Variants in CYP7B1 observed in about 807,000 individuals in gnomAD.
The protein encoded by CYP7B1 is cytochrome P450 7B1.
CYP7B1 carries 29 observed loss-of-function variants against 42.7 expected under a neutral mutation model. The observed-to-expected ratio is 0.68, with a 90% CI of 0.51 to 0.93. The LOEUF (loss-of-function observed/expected upper bound fraction) is 0.93, where lower values mean the gene tolerates loss of function less well. Among genes scored for constraint, CYP7B1 ranks in the 40% least tolerant of loss-of-function variants. The probability of loss-of-function intolerance (pLI) is 0.00; values close to 1 mark genes in which losing one functional copy is unlikely to be tolerated. For missense variants in CYP7B1, 655 were observed against 600.5 expected, an observed-to-expected ratio of 1.09 and a Z score of -0.95; for synonymous variants, 235 against 218.2, an observed-to-expected ratio of 1.08 and a Z score of -0.68.
chr8:64,728,741 G>GA (rs1244144592), intron 1 of CYP7B1: 9 of 152,130 alleles, frequency 5.9e-5, no homozygotes, highest in Admixed American at 1.3e-4. Flanking sequence ...AACACTTCTA[G>GA]AAAAAATCAG....
At chr8:64,616,565 C>T (rs1805452531) in intron 2 of CYP7B1, among the ~76,000 whole-genome samples, 1 of 152,204 alleles carries the variant, frequency 6.6e-6, no homozygotes, top group Non-Finnish European at 1.5e-5. Context: ...TACCTGAACA[C>T]TTTAAATATC....
intron 1 of CYP7B1, among the ~76,000 whole-genome samples, chr8:64,685,111 C>T (rs1806600035): frequency 1.3e-5 from 2 of 152,256 alleles, no homozygotes; most frequent in African/African-American, 4.8e-5. Context: ...CATTCAAAAA[C>T]TTGCAAACAA....
At chr8:64,604,982 C>A in intron 4 of CYP7B1, 125 bp from the exon 5 acceptor site, 1 of 1,133,334 alleles carries the variant, frequency 8.8e-7, no homozygotes, top group Admixed American at 2.0e-5. Flanking sequence ...TCATCACATA[C>A]ATTGAGCACC....
At position 64,596,672 on chromosome 8, in the gene CYP7B1, A is replaced by G. The variant is rs763146159; in HGVS notation, c.1491T>C (p.Asp497=). Residue 497 remains aspartate (D), a synonymous_variant, in exon 6 of 6, where the codon GAT becomes GAC. Coordinates refer to ENST00000310193, the MANE Select transcript of CYP7B1 (RefSeq NM_004820.5). ...ATTTCACTTTGTATCTAAATAAAAC[A>G]TCAGAATCTGGATACTGAATACCAA... ...LLFGIQYPDS[D]VLFRYKVKS 2.5e-6 allele frequency: 4 copies of G among 1,613,406 alleles called. No individual in the cohort carries two copies. The highest frequency in any genetic ancestry group is 2.5e-6 in the Non-Finnish European group (3 of 1,179,684).
At chr8:64,767,316 G>C (rs1239254007) in intron 1 of CYP7B1, among the ~76,000 whole-genome samples, 3 of 138,824 alleles carry the variant, frequency 2.2e-5, no homozygotes, top group Non-Finnish European at 4.6e-5. Context: ...ACACTGCCAG[G>C]TTCATCGGAA....
At chr8:64,797,923 G>A (rs1293653650) in intron 1 of CYP7B1, among the ~76,000 whole-genome samples, 1 of 152,142 alleles carries the variant, frequency 6.6e-6, no homozygotes, top group African/African-American at 2.4e-5. Context: ...TAGGACAACT[G>A]CATAAAATAC....
chr8:64,787,911 G>A (rs1804555093), intron 1 of CYP7B1, among the ~76,000 whole-genome samples: 1 of 152,204 alleles, frequency 6.6e-6, no homozygotes, highest in Admixed American at 6.5e-5. Context: ...GTGGCGGCAA[G>A]AGAGAGAAGT....
At chr8:64,628,630 A>G (rs1805642793) in intron 1 of CYP7B1, among the ~76,000 whole-genome samples, 1 of 152,192 alleles carries the variant, frequency 6.6e-6, no homozygotes, top group African/African-American at 2.4e-5. Context: ...TCTAGGCAAC[A>G]GAGCAAGACT....
At chr8:64,715,788 T>C (rs141775562) in intron 1 of CYP7B1, among the ~76,000 whole-genome samples, 3 of 152,190 alleles carry the variant, frequency 2.0e-5, no homozygotes, top group African/African-American at 7.2e-5. Flanking sequence ...AATTTAAGCA[T>C]CTGAATCTTT....
chr8:64,624,427 C>T lies in CYP7B1; in HGVS notation c.235G>A (p.Asp79Asn). 6.2e-7 allele frequency: 1 copy of T among 1,613,458 alleles called. No individual in the cohort carries two copies. Among genetic ancestry groups the T allele is most frequent in the South Asian group, 1.1e-5 (1 of 91,038 alleles). Reference protein sequence around the residue: ...FMKTLQKQHGDTFTVLLGGKY... With the variant: ...FMKTLQKQHGNTFTVLLGGKY... Reference sequence around the variant, plus strand: ...CCACCAAGAAGAACTGTGAAAGTGTCACCATGTTGCTTTTGAAGTGTTTTC... The same window carrying T: ...CCACCAAGAAGAACTGTGAAAGTGTTACCATGTTGCTTTTGAAGTGTTTTC... Residue 79 changes from aspartate (D) to asparagine (N), a missense_variant, in exon 2 of 6, where the codon GAC (aspartate) becomes AAC (asparagine). Coordinates refer to ENST00000310193, the MANE Select transcript of CYP7B1 (RefSeq NM_004820.5).
chr8:64,788,902 G>T (rs1804571001), intron 1 of CYP7B1, among the ~76,000 whole-genome samples: 1 of 152,008 alleles, frequency 6.6e-6, no homozygotes, highest in Non-Finnish European at 1.5e-5. Flanking sequence ...ACTGTATAGG[G>T]TAGCTTTTTG....
At chr8:64,587,664 CT>C (rs551249158), downstream of CYP7B1, 20 of 152,228 alleles carry the variant, frequency 1.3e-4, no homozygotes, top group Non-Finnish European at 5.9e-5. Flanking sequence ...AATTACTCGT[CT>C]TAACAAATCC....
chr8:64,608,724 G>A (rs1283239327), intron 4 of CYP7B1, among the ~76,000 whole-genome samples: 1 of 152,180 alleles, frequency 6.6e-6, no homozygotes, highest in Non-Finnish European at 1.5e-5. Flanking sequence ...CATGATGTGT[G>A]CATGTGTATG....
chr8:64,798,644 C>A lies in CYP7B1; in HGVS notation c.-57G>T. The A allele has an allele frequency of 7.0e-7, 1 of 1,434,292 alleles. No individual in the cohort carries two copies. Among genetic ancestry groups the A allele is most frequent in the South Asian group, 1.4e-5 (1 of 71,328 alleles). 88.8% of individuals were successfully genotyped at this position (1,434,292 alleles called of 1,614,324 possible). A position where few individuals can be genotyped will look rare whatever the true frequency, so the allele number is the denominator to read the frequency against. On this transcript the variant is annotated 5_prime_UTR_variant, in exon 1 of 6. Transcript: ENST00000310193. Reference sequence around the variant, plus strand: ...GGGGTCTGCCTGCGAACAGCGCGGTCGGCGACTCTGCAGCCTGCGGCGGCT... The same window carrying A: ...GGGGTCTGCCTGCGAACAGCGCGGTAGGCGACTCTGCAGCCTGCGGCGGCT...
intron 1 of CYP7B1, among the ~76,000 whole-genome samples, chr8:64,774,110 C>G (rs564798880): frequency 6.6e-6 from 1 of 152,302 alleles, no homozygotes; most frequent in East Asian, 1.9e-4. Flanking sequence ...CAGTCCAACA[C>G]CAAGTCCAGT....
intron 1 of CYP7B1, among the ~76,000 whole-genome samples, chr8:64,634,519 C>A (rs535942920): frequency 6.7e-6 from 1 of 149,968 alleles, no homozygotes; most frequent in South Asian, 2.1e-4. Flanking sequence ...ATGGAGGTTC[C>A]AGTGAACCGA....
chr8:64,695,602 CCTTTT>C (rs1372816303), intron 1 of CYP7B1, among the ~76,000 whole-genome samples: 1 of 92,556 alleles, frequency 1.1e-5, no homozygotes, highest in African/African-American at 4.4e-5. Flanking sequence ...TTATCAAATT[CCTTTT>C]TTTTTTTTTT....
intron 1 of CYP7B1, among the ~76,000 whole-genome samples, chr8:64,683,175 A>C (rs368988030): frequency 3.0e-4 from 45 of 152,330 alleles, no homozygotes; most frequent in African/African-American, 1.1e-3. Context: ...AATAGCTAAG[A>C]CTTGGAAGCA....
intron 1 of CYP7B1, among the ~76,000 whole-genome samples, chr8:64,660,069 G>A (rs1447846853): frequency 1.3e-5 from 2 of 152,184 alleles, no homozygotes; most frequent in East Asian, 3.8e-4. Flanking sequence ...CAGGTAGTCT[G>A]TCAAGCACTT....
Sources: gnomAD v4.1 joint callset for allele counts (sites outside exome capture counted in the v4.1 genomes callset) on GRCh38, gnomAD v4.1.1 for gene constraint, MANE v1.5 for transcripts, NCBI Gene and HGNC (gene_info 2026-07-23, HGNC 2026-07-21) for gene names.